The following WASF3 variants were observed in gnomAD, a reference collection of about 807,000 sequenced individuals.
The protein encoded by WASF3 is actin-binding protein WASF3.
Under a neutral mutation model 46.6 loss-of-function variants are expected in WASF3, and 11 were observed. The observed-to-expected ratio is 0.24, with a 90% CI of 0.15 to 0.39. The LOEUF is 0.39. Among genes scored for constraint, WASF3 ranks in the 10% least tolerant of loss-of-function variants. The pLI, the probability that WASF3 is intolerant of heterozygous loss-of-function variation, is 1.00. For synonymous variants in WASF3, 242 were observed against 259.7 expected, an observed-to-expected ratio of 0.93 and a Z score of 0.65; for missense variants, 576 against 669.8, an observed-to-expected ratio of 0.86 and a Z score of 1.55.
At chr13:26,635,733 T>G (rs1881796951) in intron 2 of WASF3, among the ~76,000 whole-genome samples, 1 of 152,218 alleles carries the variant, frequency 6.6e-6, no homozygotes, top group Non-Finnish European at 1.5e-5. Context: ...AGTTTTCCTT[T>G]TAACAGTCAG....
At chr13:26,631,776 T>G (rs1392209410) in intron 2 of WASF3, among the ~76,000 whole-genome samples, 1 of 152,236 alleles carries the variant, frequency 6.6e-6, no homozygotes, top group East Asian at 1.9e-4. Flanking sequence ...ATGGCCATTT[T>G]CACAATATTG....
intron 6 of WASF3, among the ~76,000 whole-genome samples, chr13:26,673,132 G>A (rs760294155): frequency 2.7e-4 from 41 of 152,158 alleles, no homozygotes; most frequent in Non-Finnish European, 5.4e-4. Flanking sequence ...TATAGTTACA[G>A]GGGAAAATGC....
At chr13:26,632,678 T>C (rs2137263922) in intron 2 of WASF3, among the ~76,000 whole-genome samples, 1 of 152,360 alleles carries the variant, frequency 6.6e-6, no homozygotes, top group African/African-American at 2.4e-5. Flanking sequence ...ACGATGATGC[T>C]GGCCCCATAA....
Position 26,613,064 on chromosome 13 carries a change from AGT to A in WASF3, c.-11+12_-11+13del, listed in dbSNP as rs1376060639. 1 of 152,058 alleles carries A rather than the reference AGT, an allele frequency of 6.6e-6. No homozygotes were observed. The highest frequency in any genetic ancestry group is 1.5e-5 in the Non-Finnish European group (1 of 68,006). The allele number at this position is 152,058 out of a possible 1,614,324, so 9.4% of individuals were successfully genotyped here. Reference sequence around the variant, plus strand: ...CCATAGTCAACGATTACATGGTAAGAGTGTGTGCCTTTTACCCTTAAAGCCAT... The same window carrying A: ...CCATAGTCAACGATTACATGGTAAGAGTGTGCCTTTTACCCTTAAAGCCAT... On this transcript the variant is annotated splice_region_variant and intron_variant, in intron 2 of 9. Coordinates refer to ENST00000335327, the MANE Select transcript of WASF3 (RefSeq NM_006646.6).
At chr13:26,557,175 A>G (rs1012149187), upstream of WASF3, among the ~76,000 whole-genome samples, 1 of 152,174 alleles carries the variant, frequency 6.6e-6, no homozygotes, top group Admixed American at 6.5e-5. Flanking sequence ...AGGAGATGGG[A>G]AGATTTTAAG....
chr13:26,589,507 T>C (rs2137181091), intron 1 of WASF3, among the ~76,000 whole-genome samples: 1 of 152,342 alleles, frequency 6.6e-6, no homozygotes, highest in African/African-American at 2.4e-5. Context: ...GGTTTAGTGA[T>C]GCAAGCCTGA....
At chr13:26,543,817 T>C in the WASF3 span, among the ~76,000 whole-genome samples, 3 of 152,186 alleles carry the variant, frequency 2.0e-5, no homozygotes, top group African/African-American at 7.2e-5. Flanking sequence ...TGGTTTCCAT[T>C]GGCAATCGAG....
At chr13:26,563,822 A>G (rs117486243) in intron 1 of WASF3, among the ~76,000 whole-genome samples, 5,846 of 151,094 alleles carry the variant, frequency 0.039, 173 homozygotes, top group Non-Finnish European at 0.052. Context: ...AAAACATTTT[A>G]AACATCACAG....
intron 1 of WASF3, among the ~76,000 whole-genome samples, chr13:26,575,089 G>A (rs1006004315): frequency 1.4e-4 from 22 of 152,180 alleles, no homozygotes; most frequent in Middle Eastern, 3.4e-3. Flanking sequence ...GCCCACCTTG[G>A]CCTCCCACAG....
At chr13:26,675,646 A>ATATCTGTGTGTGTGTGTGTG (rs1883045531) in intron 6 of WASF3, among the ~76,000 whole-genome samples, 3 of 70,854 alleles carry the variant, frequency 4.2e-5, no homozygotes, top group Non-Finnish European at 8.3e-5. Context: ...CACAGATGCC[A>ATATCTGTGTGTGTGTGTGTG]TGTCTGTGTG....
chr13:26,671,603 A>AT (rs1011690669), intron 5 of WASF3, among the ~76,000 whole-genome samples: 102 of 150,338 alleles, frequency 6.8e-4, no homozygotes, highest in African/African-American at 1.7e-3. Context: ...TCATGTTGTG[A>AT]TTTTTTTTTT....
At chr13:26,614,191 AGATT>A (rs1881064518) in intron 2 of WASF3, among the ~76,000 whole-genome samples, 1 of 152,358 alleles carries the variant, frequency 6.6e-6, no homozygotes, top group African/African-American at 2.4e-5. Context: ...AGAAGCTGGA[AGATT>A]GATCTCTAAT....
At chr13:26,613,218 T>C (rs1881030343) in intron 2 of WASF3, among the ~76,000 whole-genome samples, 160 bp downstream of exon 2, 1 of 151,118 alleles carries the variant, frequency 6.6e-6, no homozygotes, top group Admixed American at 6.6e-5. Flanking sequence ...CAGCAGGTAA[T>C]ATTTTAGAGC....
intron 7 of WASF3, among the ~76,000 whole-genome samples, chr13:26,677,348 C>T: frequency 6.6e-6 from 1 of 152,188 alleles, no homozygotes. Context: ...ATTCATTGAA[C>T]AACAGGAAAT....
chr13:26,624,094 A>C (rs1241921181), intron 2 of WASF3, among the ~76,000 whole-genome samples: 1 of 150,700 alleles, frequency 6.6e-6, no homozygotes, highest in East Asian at 1.9e-4. Context: ...ATTATGAGAC[A>C]AAAAAGGCAA....
At chr13:26,607,658 G>T (rs1349164284) in intron 1 of WASF3, among the ~76,000 whole-genome samples, 5 of 151,826 alleles carry the variant, frequency 3.3e-5, no homozygotes, top group Non-Finnish European at 5.9e-5. Flanking sequence ...TTGAAACAGG[G>T]TCTTGCTCTG....
At chr13:26,553,342 G>T (rs1298614612), upstream of WASF3, among the ~76,000 whole-genome samples, 5 of 152,096 alleles carry the variant, frequency 3.3e-5, no homozygotes, top group Non-Finnish European at 5.9e-5. Context: ...TTGGGAGGGG[G>T]TAGTAACGGA....
chr13:26,640,201 A>G (rs562968916), intron 2 of WASF3, among the ~76,000 whole-genome samples: 3 of 152,202 alleles, frequency 2.0e-5, no homozygotes, highest in East Asian at 1.9e-4. Context: ...CCCACTTTCA[A>G]TACCTGAGAT....
upstream of WASF3, among the ~76,000 whole-genome samples, chr13:26,554,078 TC>T (rs1566032415): frequency 7.2e-5 from 8 of 111,718 alleles, no homozygotes; most frequent in Admixed American, 1.9e-4. Flanking sequence ...CTTCCTTCCT[TC>T]CTTCCTTCCT....
Sources: gnomAD v4.1 joint callset for allele counts (sites outside exome capture counted in the v4.1 genomes callset) on GRCh38, gnomAD v4.1.1 for gene constraint, MANE v1.5 for transcripts, NCBI Gene and HGNC (gene_info 2026-07-23, HGNC 2026-07-21) for gene names.